Variants in AKR1B10 observed in about 807,000 individuals in gnomAD.
The protein encoded by AKR1B10 is ARP.
AKR1B10 carries 39 observed loss-of-function variants against 38.9 expected under a neutral mutation model. The ratio of observed to expected loss-of-function variants is 1.00; its 90% CI spans 0.78 to 1.31. AKR1B10 has a LOEUF of 1.31. Ranked by LOEUF, AKR1B10 falls within the 50% of genes most tolerant of loss-of-function variation. The pLI is 0.00. For synonymous variants in AKR1B10, 148 were observed against 141.2 expected, an observed-to-expected ratio of 1.05 and a Z score of -0.34; for missense variants, 361 against 382.6, an observed-to-expected ratio of 0.94 and a Z score of 0.47.
At chr7:134,540,739 C>T (rs753236273) in intron 9 of AKR1B10, among the ~76,000 whole-genome samples, 1 of 152,168 alleles carries the variant, frequency 6.6e-6, no homozygotes, top group Non-Finnish European at 1.5e-5. Flanking sequence ...TTTCCTACTT[C>T]ATGATGTTGT....
At chr7:134,532,667 G>T (rs1006531403) in intron 3 of AKR1B10, among the ~76,000 whole-genome samples, 1 of 152,134 alleles carries the variant, frequency 6.6e-6, no homozygotes, top group Non-Finnish European at 1.5e-5. Context: ...CCACAGCTTG[G>T]ATATCTAATC....
chr7:134,535,925 G>A (rs1807989122), intron 4 of AKR1B10, among the ~76,000 whole-genome samples: 1 of 152,130 alleles, frequency 6.6e-6, no homozygotes, highest in Admixed American at 6.6e-5. Flanking sequence ...TGGTATCTTT[G>A]GGCAAGTTTG....
Position 134,531,961 on chromosome 7 carries a change from C to T in AKR1B10, c.288C>T (p.Thr96=), listed in dbSNP as rs773560659. ...TTGTGAGGAAAGCCTTTGAGAAGAC[C>T]CTCAAGGACCTGAAGCTGAGCTATC... is the stretch of plus-strand genomic sequence containing the variant. ...RPLVRKAFEK[T]LKDLKLSYLD... is the part of the protein sequence containing the mutation. The change falls in exon 3 of 10, where the codon ACC becomes ACT. Residue 96 remains threonine (T), a synonymous_variant. Transcript: ENST00000359579. 1.2e-6 allele frequency: 2 copies of T among 1,614,094 alleles called. No individual in the cohort carries two copies. Among genetic ancestry groups the T allele is most frequent in the Non-Finnish European group, 1.7e-6 (2 of 1,179,976 alleles).
Position 134,533,052 on chromosome 7 carries a change from G to T in AKR1B10, c.400G>T (p.Gly134Ter). Reference protein sequence around the residue: ...PKDDKGNAIGGKATFLDAWEA... With the variant: ...PKDDKGNAIG ...AGATGATAAAGGTAATGCCATCGGT[G>T]GAAAAGCAACGTTCTTGGATGCCTG... Residue 134 changes from glycine to a stop codon, truncating the protein, a stop_gained, in exon 4 of 10, where the codon GGA (glycine) becomes TGA (stop). Transcript: ENST00000359579. LOFTEE classifies it high-confidence loss of function. 1 of 1,598,668 alleles carries T rather than the reference G, an allele frequency of 6.3e-7. No homozygotes were observed. The highest frequency in any genetic ancestry group is 8.5e-7 in the Non-Finnish European group (1 of 1,174,568).
chr7:134,538,357 C>T (rs1808067993), intron 8 of AKR1B10, 80 bp downstream of exon 8: 2 of 1,354,296 alleles, frequency 1.5e-6, no homozygotes, highest in Non-Finnish European at 2.1e-6. Flanking sequence ...CTTCTCACCT[C>T]ATCGCTGCAT....
At position 134,527,771 on chromosome 7, in the gene AKR1B10, A is replaced by G. The variant is rs1807719867; in HGVS notation, c.-141A>G. ...TGAGGCAGGAGAATTGCTTGAACCC[A>G]GGAGACAGAGGTTGTAGTGAGCTGA... On this transcript the variant is annotated 5_prime_UTR_variant, in exon 1 of 10. Transcript: ENST00000359579. The G allele has an allele frequency of 3.2e-6, 4 of 1,253,994 alleles. No individual in the cohort carries two copies. Among genetic ancestry groups the G allele is most frequent in the Non-Finnish European group, 4.4e-6 (4 of 909,898 alleles). The allele number at this position is 1,253,994 out of a possible 1,614,324, so 77.7% of individuals were successfully genotyped here.
intron 1 of AKR1B10, among the ~76,000 whole-genome samples, chr7:134,529,610 G>T (rs1807794701): frequency 6.6e-6 from 1 of 152,018 alleles, no homozygotes; most frequent in Non-Finnish European, 1.5e-5. Flanking sequence ...CAGGTGGTAG[G>T]GTAGCTGTGC....
chr7:134,530,924 T>C, intron 2 of AKR1B10, 114 bp downstream of exon 2: 1 of 1,378,316 alleles, frequency 7.3e-7, no homozygotes, highest in Non-Finnish European at 9.9e-7. Flanking sequence ...TTTTCATCTC[T>C]GCCTTGATAA....
In AKR1B10 at chr7:134,530,856, G is replaced by T. The variant is rs1271762520; in HGVS notation, c.234+46G>T. On this transcript the variant is annotated intron_variant, in intron 2 of 9. Transcript: ENST00000359579. ...GGAGGCCTTCACTTCAAGGCAGGCAGAAGTATCTGGGTCGGGTTGGCAGCA... is the reference window on the plus strand; with the variant it reads ...GGAGGCCTTCACTTCAAGGCAGGCATAAGTATCTGGGTCGGGTTGGCAGCA... The T allele has an allele frequency of 1.9e-6, 3 of 1,570,974 alleles. No homozygotes were observed. In the African/African-American group the frequency reaches 4.1e-5, roughly 21 times the overall value.
intron 2 of AKR1B10, among the ~76,000 whole-genome samples, chr7:134,531,480 G>T (rs1807853996): frequency 6.6e-6 from 1 of 152,044 alleles, no homozygotes; most frequent in African/African-American, 2.4e-5. Context: ...TATCACTTGG[G>T]GCCTTATAGG....
intron 5 of AKR1B10, 130 bp downstream of exon 5, chr7:134,536,902 G>A: frequency 6.3e-7 from 1 of 1,577,360 alleles, no homozygotes; most frequent in Non-Finnish European, 8.6e-7. Flanking sequence ...GGGGAGGTGT[G>A]AGGCTGATCT....
intron 4 of AKR1B10, among the ~76,000 whole-genome samples, chr7:134,534,982 A>C (rs1807957006): frequency 6.6e-6 from 1 of 151,898 alleles, no homozygotes; most frequent in Non-Finnish European, 1.5e-5. Flanking sequence ...AAATCCAGGC[A>C]CTGGTAATTT....
chr7:134,528,020 C>A, intron 1 of AKR1B10, 43 bp downstream of exon 1: 3 of 1,604,254 alleles, frequency 1.9e-6, no homozygotes, highest in Non-Finnish European at 2.6e-6. Flanking sequence ...TCTGGAGGGG[C>A]GTTTGGGTGT....
At chr7:134,534,009 C>A (rs2117544475) in intron 4 of AKR1B10, among the ~76,000 whole-genome samples, 1 of 152,168 alleles carries the variant, frequency 6.6e-6, no homozygotes, top group Admixed American at 6.5e-5. Context: ...GTTTTACAAG[C>A]AAAAATATAT....
At chr7:134,532,967 T>G (rs1170003348) in intron 3 of AKR1B10, 37 bp from the exon 4 acceptor site, 4 of 1,570,460 alleles carry the variant, frequency 2.5e-6, no homozygotes, top group Non-Finnish European at 3.5e-6. Context: ...AGTGTCCTGA[T>G]GCAGATTCCA....
At position 134,533,076 on chromosome 7, in the gene AKR1B10, TG is replaced by T. The variant is rs1459696939; in HGVS notation, c.427del (p.Glu143ArgfsTer12). 1 of 1,594,150 alleles carries T rather than the reference TG, an allele frequency of 6.3e-7. No individual in the cohort carries two copies. Among genetic ancestry groups the T allele is most frequent in the Non-Finnish European group, 8.5e-7 (1 of 1,173,252 alleles). ...TGGAAAAGCAACGTTCTTGGATGCCTGGGAGGTAGGTTCCCAGCTTCCTCTA... is the reference window on the plus strand; with the variant it reads ...TGGAAAAGCAACGTTCTTGGATGCCTGGAGGTAGGTTCCCAGCTTCCTCTA... ...IGGKATFLDAWEAMEELVDEG... is the reference protein window; with the variant it reads ...IGGKATFLDAXEAMEELVDEG... On this transcript the variant is annotated frameshift_variant, in exon 4 of 10. Coordinates refer to ENST00000359579, the MANE Select transcript of AKR1B10 (RefSeq NM_020299.5). LOFTEE classifies it high-confidence loss of function.
intron 5 of AKR1B10, 139 bp downstream of exon 5, chr7:134,536,911 C>G: frequency 6.3e-7 from 1 of 1,577,738 alleles, no homozygotes. Context: ...TGAGGCTGAT[C>G]TCACGGGTGA....
chr7:134,540,915 T>C (rs1448849292), intron 9 of AKR1B10, 132 bp from the exon 10 acceptor site: 4 of 688,622 alleles, frequency 5.8e-6, no homozygotes, highest in Admixed American at 5.2e-5. Flanking sequence ...ACCCTCCTTA[T>C]GTTCTTGCAG....
downstream of AKR1B10, chr7:134,541,412 A>ACATGTATT (rs1190906233): frequency 3.5e-6 from 1 of 285,722 alleles, no homozygotes; most frequent in Non-Finnish European, 6.5e-6. Flanking sequence ...ATCATAACCA[A>ACATGTATT]CATGTATTGA....
Sources: allele counts gnomAD v4.1 joint callset (sites outside exome capture counted in the v4.1 genomes callset), GRCh38; gene constraint gnomAD v4.1.1; transcripts MANE v1.5; gene names NCBI Gene and HGNC (gene_info 2026-07-23, HGNC 2026-07-21).